FBLN1: variants seen among roughly 807,000 people sequenced by gnomAD.
FBLN1 encodes fibulin-1.
In FBLN1, 34 loss-of-function variants were observed where a neutral mutation model predicts 89.7. That is an observed-to-expected ratio of 0.38 (90% CI 0.29 to 0.50). The LOEUF (loss-of-function observed/expected upper bound fraction) is 0.50. Ranked by LOEUF, FBLN1 falls within the 20% of genes least tolerant of loss-of-function variation. FBLN1 has a pLI of 0.92. For synonymous variants in FBLN1, 393 were observed against 391.3 expected, an observed-to-expected ratio of 1.00 and a Z score of -0.05; for missense variants, 777 against 988.1, an observed-to-expected ratio of 0.79 and a Z score of 2.86.
In FBLN1 at chr22:45,563,292, C is replaced by T. The variant is rs750666250; in HGVS notation, c.1698-11219C>T. 2.5e-6 allele frequency: 4 copies of T among 1,613,142 alleles called. No homozygotes were observed. The East Asian group carries it at 8.9e-5, about 36-fold the overall frequency. On this transcript the variant is annotated intron_variant, in intron 14 of 16. Transcript: ENST00000327858. The surrounding 1 kb of genome is among the most constrained non-coding windows in gnomAD (Gnocchi z 5.7). ...GCACTCGCTTCGCGTCGCGGGGTCT[C>T]CCTCCTGTTGCTTTCCTAACCCTGC...
intron 14 of FBLN1, among the ~76,000 whole-genome samples, chr22:45,564,616 A>G (rs1255225622): frequency 6.6e-6 from 1 of 152,132 alleles, no homozygotes; most frequent in Non-Finnish European, 1.5e-5. Context: ...CGTCCTTCTC[A>G]TGACCCCTTT....
At position 45,562,657 on chromosome 22, in the gene FBLN1, C is replaced by T. The variant is rs1178653137; in HGVS notation, c.1698-11854C>T. Among the ~76,000 whole-genome samples, 1 of 152,222 alleles carries T rather than the reference C, an allele frequency of 6.6e-6. No homozygotes were observed. The highest frequency in any genetic ancestry group is 2.4e-5 in the African/African-American group (1 of 41,458). On this transcript the variant is annotated intron_variant, in intron 14 of 16. Transcript: ENST00000327858. The surrounding 1 kb of genome is among the most constrained non-coding windows in gnomAD (Gnocchi z 7.8). ...CAGTGAGCAGGGGACGCACCTCACT[C>T]CGGGCACAGCCTTTGGCCCCCGGCC...
Position 45,542,202 on chromosome 22 carries a change from C to T in FBLN1, c.1114C>T (p.Arg372Cys), listed in dbSNP as rs755803565. The change falls in exon 10 of 17, where the codon CGC becomes TGC. Residue 372 changes from arginine (R) to cysteine (C), a missense_variant. Arg to Cys is a radical substitution (Grantham distance 180, BLOSUM62 -3). Transcript: ENST00000327858. ...TGCTGAGCCCTGTGGGAAGGGACAT[C>T]GCTGCGTGAACTCTCCCGGCAGTTT... is the stretch of plus-strand genomic sequence containing the variant. ...PPAEPCGKGH[R>C]CVNSPGSFRC... 6.2e-6 allele frequency: 10 copies of T among 1,614,074 alleles called. No individual in the cohort carries two copies. The highest frequency in any genetic ancestry group is 1.7e-5 in the Admixed American group (1 of 60,008).
At chr22:45,553,843 C>T (rs2146999578) in intron 14 of FBLN1, among the ~76,000 whole-genome samples, 1 of 152,330 alleles carries the variant, frequency 6.6e-6, no homozygotes, top group East Asian at 1.9e-4. Flanking sequence ...CTTTCCTCCG[C>T]TTCCCTCTGG....
rs958726796 is a variant in FBLN1 at position 45,550,823 on chromosome 22, G to A, written c.1697+208G>A. The A allele has an allele frequency of 1.3e-5, 9 of 677,720 alleles. No homozygotes were observed. Among genetic ancestry groups the A allele is most frequent in the Non-Finnish European group, 2.3e-5 (9 of 383,632 alleles). The allele number at this position is 677,720 out of a possible 1,614,324, so 42.0% of individuals were successfully genotyped here. A position where few individuals can be genotyped will look rare whatever the true frequency, so the allele number is the denominator to read the frequency against. On this transcript the variant is annotated intron_variant, in intron 14 of 16. Coordinates refer to ENST00000327858, the MANE Select transcript of FBLN1 (RefSeq NM_006486.3). The surrounding 1 kb of genome is among the most constrained non-coding windows in gnomAD (Gnocchi z 8.4). ...AAGTCAAGGGGGTAACTGCAAATGAGTCTGGGGTCTATAGTCATGTTTTCA... is the reference window on the plus strand; with the variant it reads ...AAGTCAAGGGGGTAACTGCAAATGAATCTGGGGTCTATAGTCATGTTTTCA...
At chr22:45,522,723 C>G (rs570516266) in intron 2 of FBLN1, among the ~76,000 whole-genome samples, 7 of 152,340 alleles carry the variant, frequency 4.6e-5, no homozygotes, top group African/African-American at 1.7e-4. Context: ...CTAAATCCAC[C>G]TAAAACTTTG....
In FBLN1 at chr22:45,532,961, G is replaced by A. The variant is rs136745; in HGVS notation, c.545-102G>A. ...CAGGTCAGCCTGCCTTCCTGGGTTC[G>A]TCTGCCCAGAGGGCGTTTTCTATGA... On this transcript the variant is annotated intron_variant, in intron 5 of 16. Coordinates refer to ENST00000327858, the MANE Select transcript of FBLN1 (RefSeq NM_006486.3). The surrounding 1 kb of genome is among the most constrained non-coding windows in gnomAD (Gnocchi z 4.2). The A allele has an allele frequency of 0.89, 951,190 of 1,069,944 alleles. 423,288 individuals carry two copies. The highest frequency in any genetic ancestry group is 0.96 in the East Asian group (38,287 of 39,978). The allele number at this position is 1,069,944 out of a possible 1,614,324, so 66.3% of individuals were successfully genotyped here.
chr22:45,548,527 G>T (rs928989494), intron 12 of FBLN1, 86 bp from the exon 13 acceptor site: 2 of 1,584,774 alleles, frequency 1.3e-6, no homozygotes, highest in Non-Finnish European at 1.7e-6. Context: ...CCGGGCCCCA[G>T]TGCAGCCCCC....
chr22:45,505,857 C>G (rs757300740), intron 1 of FBLN1, among the ~76,000 whole-genome samples: 1 of 152,150 alleles, frequency 6.6e-6, no homozygotes, highest in African/African-American at 2.4e-5. Flanking sequence ...CTGCAACCTC[C>G]GCCTCCCGAG....
chr22:45,529,050 T>G (rs751487685), intron 4 of FBLN1, among the ~76,000 whole-genome samples: 2 of 152,198 alleles, frequency 1.3e-5, no homozygotes, highest in Non-Finnish European at 2.9e-5. Flanking sequence ...ATGTCTGCCC[T>G]CACCATCTGC....
At position 45,537,400 on chromosome 22, in the gene FBLN1, C is replaced by G. The variant is rs1159030741; in HGVS notation, c.922+2063C>G. 1.3e-5 allele frequency among the ~76,000 whole-genome samples: 2 copies of G among 152,104 alleles called. No individual in the cohort carries two copies. The highest frequency in any genetic ancestry group is 4.8e-5 in the African/African-American group (2 of 41,382). On this transcript the variant is annotated intron_variant, in intron 8 of 16. Coordinates refer to ENST00000327858, the MANE Select transcript of FBLN1 (RefSeq NM_006486.3). The surrounding 1 kb of genome is among the most constrained non-coding windows in gnomAD (Gnocchi z 5.7). ...TTGGGAGGCCAAGGCGGGTGGATCA[C>G]TTGAGGTCAGGAGTTCGAGACCAGC...
chr22:45,587,691 T>G (rs1311380040), intron 16 of FBLN1, among the ~76,000 whole-genome samples: 1 of 152,124 alleles, frequency 6.6e-6, no homozygotes, highest in Non-Finnish European at 1.5e-5. Flanking sequence ...CTCCTTCCTC[T>G]TCCCTCCGCT....
chr22:45,522,915 C>T (rs2088269391), intron 2 of FBLN1, among the ~76,000 whole-genome samples: 1 of 152,180 alleles, frequency 6.6e-6, no homozygotes, highest in Non-Finnish European at 1.5e-5. Context: ...GAGTGGGGAT[C>T]AATCGGTGAA....
intron 16 of FBLN1, among the ~76,000 whole-genome samples, chr22:45,589,957 C>T (rs971247678): frequency 4.6e-5 from 7 of 152,168 alleles, no homozygotes; most frequent in African/African-American, 1.4e-4. Context: ...TGTATTTCTC[C>T]GAAGCTCTCC....
At position 45,538,146 on chromosome 22, in the gene FBLN1, G is replaced by A. The variant is rs183217702; in HGVS notation, c.922+2809G>A. Among the ~76,000 whole-genome samples the A allele has an allele frequency of 3.5e-4, 54 of 152,336 alleles. No individual in the cohort carries two copies. In the East Asian group the frequency reaches 8.9e-3, roughly 25 times the overall value. ...CAGCCTGGCGGCACTGAGCTGTTCC[G>A]TGCCATCTCCCTGGGTCCTCAGTGA... On this transcript the variant is annotated intron_variant, in intron 8 of 16. Transcript: ENST00000327858.
intron 1 of FBLN1, among the ~76,000 whole-genome samples, chr22:45,514,754 C>T (rs1427551718): frequency 1.3e-5 from 2 of 152,112 alleles, no homozygotes; most frequent in African/African-American, 2.4e-5. Flanking sequence ...TGGGCAGGTG[C>T]GACATGGACA....
chr22:45,505,893 T>A (rs767691183), intron 1 of FBLN1, among the ~76,000 whole-genome samples: 5 of 152,162 alleles, frequency 3.3e-5, no homozygotes, highest in Non-Finnish European at 7.3e-5. Flanking sequence ...TGCTTCAGCC[T>A]CCCCAGCAGC....
At chr22:45,534,292 C>CAAAAAAAAAAAAAAAAA (rs136746) in intron 7 of FBLN1, among the ~76,000 whole-genome samples, 28 of 83,230 alleles carry the variant, frequency 3.4e-4, no homozygotes, top group Middle Eastern at 0.011. Context: ...GTACTTTCTA[C>CAAAAAAAAAAAAAAAAA]AAAAAAAAAA....
chr22:45,557,379 T>G lies in FBLN1; in HGVS notation c.1697+6764T>G, dbSNP rs1274950882. 6.6e-6 allele frequency among the ~76,000 whole-genome samples: 1 copy of G among 152,188 alleles called. No homozygotes were observed. Among genetic ancestry groups the G allele is most frequent in the Non-Finnish European group, 1.5e-5 (1 of 68,040 alleles). On this transcript the variant is annotated intron_variant, in intron 14 of 16. Coordinates refer to ENST00000327858, the MANE Select transcript of FBLN1 (RefSeq NM_006486.3). The surrounding 1 kb of genome is among the most constrained non-coding windows in gnomAD (Gnocchi z 4.9). ...TGGAAGAGGTCCAGTATAATCAACCTGCCACCAGGTAGCTGGCTGATCACC... is the reference window on the plus strand; with the variant it reads ...TGGAAGAGGTCCAGTATAATCAACCGGCCACCAGGTAGCTGGCTGATCACC...
Sources: allele counts gnomAD v4.1 joint callset (sites outside exome capture counted in the v4.1 genomes callset), GRCh38; gene constraint gnomAD v4.1.1; non-coding constraint Gnocchi (gnomAD v3.1); transcripts MANE v1.5; gene names NCBI Gene and HGNC (gene_info 2026-07-23, HGNC 2026-07-21).